GALNTL6: variants seen among roughly 807,000 people sequenced by gnomAD.
GALNTL6 encodes the protein polypeptide N-acetylgalactosaminyltransferase like 6.
GALNTL6 carries 46 observed loss-of-function variants against 73.7 expected under a neutral mutation model. That is an observed-to-expected ratio of 0.62 (90% CI 0.49 to 0.80). The LOEUF is 0.80. Ranked by LOEUF, GALNTL6 falls within the 30% of genes least tolerant of loss-of-function variation. GALNTL6 has a pLI of 0.00. For missense variants in GALNTL6, 604 were observed against 755.0 expected, an observed-to-expected ratio of 0.80 and a Z score of 2.34; for synonymous variants, 259 against 263.7, an observed-to-expected ratio of 0.98 and a Z score of 0.17.
Position 171,813,744 on chromosome 4 carries a change from G to T in GALNTL6, c.-416G>T, listed in dbSNP as rs1734443890. On this transcript the variant is annotated 5_prime_UTR_variant, in exon 1 of 13. Coordinates refer to ENST00000506823, the MANE Select transcript of GALNTL6 (RefSeq NM_001034845.3). This position sits in a 1 kb window ranked among gnomAD's most constrained non-coding sequence, Gnocchi z 5.2. Reference sequence around the variant, plus strand: ...CTCAGAGGATCGCATTCCGAGGACCGCGCGAGGAAGGGACGTCGCGGCGCC... The same window carrying T: ...CTCAGAGGATCGCATTCCGAGGACCTCGCGAGGAAGGGACGTCGCGGCGCC... 6.6e-6 allele frequency: 1 copy of T among 152,260 alleles called. No individual in the cohort carries two copies. The highest frequency in any genetic ancestry group is 2.1e-4 in the South Asian group (1 of 4,832). 9.4% of individuals were successfully genotyped at this position (152,260 alleles called of 1,614,324 possible).
At chr4:172,495,480 C>T (rs1468508103) in intron 5 of GALNTL6, among the ~76,000 whole-genome samples, 3 of 152,158 alleles carry the variant, frequency 2.0e-5, no homozygotes, top group Non-Finnish European at 1.5e-5. Context: ...AAATTCTCTC[C>T]TGTCCTCTCT....
intron 5 of GALNTL6, among the ~76,000 whole-genome samples, chr4:172,413,657 T>G (rs1216169257): frequency 2.7e-3 from 1 of 366 alleles, no homozygotes; most frequent in Non-Finnish European, 6.2e-3. Flanking sequence ...TTGTATTAGT[T>G]TTTTTTTTTT....
intron 2 of GALNTL6, among the ~76,000 whole-genome samples, chr4:172,187,649 T>A (rs1274215758): frequency 1.3e-5 from 2 of 152,172 alleles, no homozygotes; most frequent in East Asian, 1.9e-4. Flanking sequence ...TTCAGGCACA[T>A]TTTTAGGGGC....
intron 2 of GALNTL6, among the ~76,000 whole-genome samples, chr4:172,161,842 A>G (rs1206926584): frequency 6.6e-6 from 1 of 152,032 alleles, no homozygotes; most frequent in Non-Finnish European, 1.5e-5. Flanking sequence ...AGCACTTGTA[A>G]CGACAAGTCA....
At chr4:172,277,988 C>T (rs1039286985) in intron 3 of GALNTL6, among the ~76,000 whole-genome samples, 1 of 152,146 alleles carries the variant, frequency 6.6e-6, no homozygotes, top group Non-Finnish European at 1.5e-5. Flanking sequence ...CTCCCTTTCT[C>T]AGTTTGCCAG....
intron 5 of GALNTL6, among the ~76,000 whole-genome samples, chr4:172,653,930 A>C (rs938434012): frequency 1.3e-5 from 2 of 152,228 alleles, no homozygotes; most frequent in African/African-American, 4.8e-5. Context: ...TTTAATGTGC[A>C]TAACTGTCCT....
Position 172,962,447 on chromosome 4 carries a change from T to C in GALNTL6, c.1371+10189T>C, listed in dbSNP as rs548377776. Among the ~76,000 whole-genome samples, 3 of 152,358 alleles carry C rather than the reference T, an allele frequency of 2.0e-5. No individual in the cohort carries two copies. In the East Asian group the frequency reaches 5.8e-4, roughly 29 times the overall value. ...GTCCTTTTTCTGTTCCAGGATCCAA[T>C]CCAGTATCTGAAAGAGCTTTTTAGT... is the stretch of plus-strand genomic sequence containing the variant. On this transcript the variant is annotated intron_variant, in intron 10 of 12. Coordinates refer to ENST00000506823, the MANE Select transcript of GALNTL6 (RefSeq NM_001034845.3).
At chr4:172,975,506 C>A (rs766210324) in intron 10 of GALNTL6, among the ~76,000 whole-genome samples, 4 of 152,112 alleles carry the variant, frequency 2.6e-5, no homozygotes, top group Non-Finnish European at 5.9e-5. Flanking sequence ...TAAATGGCAC[C>A]ATAAGTTCTC....
chr4:171,888,207 CT>C (rs750142303), intron 2 of GALNTL6, among the ~76,000 whole-genome samples: 6 of 151,692 alleles, frequency 4.0e-5, no homozygotes, highest in Non-Finnish European at 5.9e-5. Context: ...ACTTTTCCCC[CT>C]ATGTGCTTCT....
intron 2 of GALNTL6, among the ~76,000 whole-genome samples, chr4:172,061,744 C>T (rs1731205802): frequency 6.6e-6 from 1 of 151,696 alleles, no homozygotes; most frequent in Non-Finnish European, 1.5e-5. Flanking sequence ...AGTTCTATTG[C>T]TTTAGGAGAT....
intron 10 of GALNTL6, among the ~76,000 whole-genome samples, chr4:172,986,576 CTCATA>C (rs1334748386): frequency 6.6e-6 from 1 of 152,126 alleles, no homozygotes; most frequent in African/African-American, 2.4e-5. Flanking sequence ...AATATATCAT[CTCATA>C]TATTTTTAGT....
At chr4:172,649,673 G>T (rs1271452082) in intron 5 of GALNTL6, among the ~76,000 whole-genome samples, 1 of 152,070 alleles carries the variant, frequency 6.6e-6, no homozygotes, top group African/African-American at 2.4e-5. Context: ...TAAATGGTTT[G>T]TACATGTATA....
chr4:171,849,449 C>CT (rs1317467874), intron 2 of GALNTL6, among the ~76,000 whole-genome samples: 1 of 152,132 alleles, frequency 6.6e-6, no homozygotes, highest in Non-Finnish European at 1.5e-5. Context: ...ATGATTTCTT[C>CT]TTTTTTCATG....
chr4:172,760,898 C>T (rs1467892650), intron 5 of GALNTL6, among the ~76,000 whole-genome samples: 4 of 152,118 alleles, frequency 2.6e-5, no homozygotes, highest in Non-Finnish European at 5.9e-5. Context: ...GTAACCCGAA[C>T]GGTTGCCTAA....
At chr4:172,301,219 A>T (rs111227529) in intron 3 of GALNTL6, among the ~76,000 whole-genome samples, 1 of 152,164 alleles carries the variant, frequency 6.6e-6, no homozygotes, top group Non-Finnish European at 1.5e-5. Flanking sequence ...CAGCTCCATC[A>T]GGTCCTTTAA....
chr4:172,726,109 C>CAGTCCCT (rs148315090), intron 5 of GALNTL6, among the ~76,000 whole-genome samples: 1 of 152,102 alleles, frequency 6.6e-6, no homozygotes, highest in African/African-American at 2.4e-5. Flanking sequence ...TCTGCTCTGC[C>CAGTCCCT]AGTCCCGCTG....
chr4:172,042,789 T>C (rs1256511896), intron 2 of GALNTL6, among the ~76,000 whole-genome samples: 1 of 146,702 alleles, frequency 6.8e-6, no homozygotes, highest in Non-Finnish European at 1.5e-5. Flanking sequence ...CACTCAGACT[T>C]CTGCTCACTG....
At chr4:172,609,625 C>CTCTGTGTGTGTG (rs753051714) in intron 5 of GALNTL6, among the ~76,000 whole-genome samples, 28 of 92,776 alleles carry the variant, frequency 3.0e-4, no homozygotes, top group Middle Eastern at 8.3e-3. Context: ...CTCTCTCTCT[C>CTCTGTGTGTGTG]TGTGTGTGTG....
chr4:172,737,261 G>A (rs1384922607), intron 5 of GALNTL6, among the ~76,000 whole-genome samples: 4 of 151,998 alleles, frequency 2.6e-5, no homozygotes, highest in Non-Finnish European at 4.4e-5. Context: ...TTGGTCTTTT[G>A]AAATAATTTT....
Sources: allele counts gnomAD v4.1 joint callset (sites outside exome capture counted in the v4.1 genomes callset), GRCh38; gene constraint gnomAD v4.1.1; non-coding constraint Gnocchi (gnomAD v3.1); transcripts MANE v1.5; gene names NCBI Gene and HGNC (gene_info 2026-07-23, HGNC 2026-07-21).